Variants in MTMR2 observed in about 807,000 individuals in gnomAD.
MTMR2 encodes the protein myotubularin related protein 2, also known as phosphatidylinositol-3,5-bisphosphate 3-phosphatase MTMR2.
In MTMR2, 55 loss-of-function variants were observed where a neutral mutation model predicts 86.9. That is an observed-to-expected ratio of 0.63 (90% confidence interval 0.51 to 0.79). The LOEUF is 0.79. Ranked by LOEUF, MTMR2 falls within the 30% of genes least tolerant of loss-of-function variation. MTMR2 has a pLI of 0.00. For synonymous variants in MTMR2, 241 were observed against 266.8 expected (o/e 0.90, Z 0.94); for missense variants, 659 against 772.3 (o/e 0.85, Z 1.74).
At chr11:95,880,156 T>C (rs575287645) in intron 2 of MTMR2, among the ~76,000 whole-genome samples, 128 of 152,172 alleles carry the variant, frequency 8.4e-4, no homozygotes, top group African/African-American at 2.9e-3. Context: ...TAAAAGGTAC[T>C]AGGTAAAAAG....
chr11:95,923,003 G>T (rs1866985307), intron 1 of MTMR2, among the ~76,000 whole-genome samples: 2 of 152,050 alleles, frequency 1.3e-5, no homozygotes, highest in Admixed American at 1.3e-4. Context: ...TGCATAAAAA[G>T]CAAATACAGG....
At chr11:95,897,995 T>G (rs1331427402) in intron 1 of MTMR2, among the ~76,000 whole-genome samples, 1 of 152,146 alleles carries the variant, frequency 6.6e-6, no homozygotes, top group Non-Finnish European at 1.5e-5. Flanking sequence ...TTCTGCCAAC[T>G]TGAAAAAATG....
At chr11:95,844,504 G>A (rs1863687333) in intron 11 of MTMR2, among the ~76,000 whole-genome samples, 1 of 152,232 alleles carries the variant, frequency 6.6e-6, no homozygotes, top group South Asian at 2.1e-4. Flanking sequence ...AATATGTGTG[G>A]ATTTTGGCCT....
chr11:95,857,415 G>T, intron 7 of MTMR2, 137 bp downstream of exon 7: 1 of 686,442 alleles, frequency 1.5e-6, no homozygotes, highest in East Asian at 2.7e-5. Flanking sequence ...TTTCAAGATT[G>T]AATTCTGCTT....
At position 95,923,945 on chromosome 11, in the gene MTMR2, T is replaced by A; in HGVS notation, c.10A>T (p.Ser4Cys). 6.4e-7 allele frequency: 1 copy of A among 1,560,194 alleles called. No individual in the cohort carries two copies. The highest frequency in any genetic ancestry group is 2.4e-5 in the East Asian group (1 of 41,522). The stretch of plus-strand genomic sequence containing the variant: ...GAGCCAAGACTCTCGCAGCTCGAGC[T>A]CTTCTCCATCGCGCGGCAGGGGCAG... MEK[S>C]SSCESLGSQP... The change falls in exon 1 of 15, where the codon AGC (serine) becomes TGC (cysteine). Residue 4 changes from serine (S) to cysteine (C), a missense_variant. Physicochemically the swap from Ser to Cys is moderately radical, Grantham distance 112. Transcript: ENST00000346299.
intron 1 of MTMR2, among the ~76,000 whole-genome samples, chr11:95,911,172 C>T (rs1004007692): frequency 6.6e-6 from 1 of 152,090 alleles, no homozygotes; most frequent in Non-Finnish European, 1.5e-5. Flanking sequence ...AGCTCTGGGA[C>T]AGCCTTCCAA....
At chr11:95,856,872 G>A (rs905562387) in intron 7 of MTMR2, among the ~76,000 whole-genome samples, 3 of 152,072 alleles carry the variant, frequency 2.0e-5, no homozygotes, top group African/African-American at 7.2e-5. Context: ...ATCTTCTTCT[G>A]ACACTGGATT....
At chr11:95,910,807 A>T (rs761754761) in intron 1 of MTMR2, among the ~76,000 whole-genome samples, 1 of 152,116 alleles carries the variant, frequency 6.6e-6, no homozygotes, top group Non-Finnish European at 1.5e-5. Flanking sequence ...TTTTGCTCTC[A>T]ATACTTAACA....
chr11:95,878,267 G>C (rs1289513387), intron 2 of MTMR2, among the ~76,000 whole-genome samples: 1 of 149,814 alleles, frequency 6.7e-6, no homozygotes, highest in African/African-American at 2.5e-5. Flanking sequence ...AAAAAGATTA[G>C]TGATTGCCTG....
intron 10 of MTMR2, among the ~76,000 whole-genome samples, chr11:95,846,294 G>A (rs773095306): frequency 5.3e-5 from 8 of 152,172 alleles, no homozygotes; most frequent in Non-Finnish European, 8.8e-5. Context: ...CATTTATGGA[G>A]TCCCTTACTA....
At chr11:95,868,360 G>A (rs1005545405) in intron 2 of MTMR2, among the ~76,000 whole-genome samples, 1 of 148,860 alleles carries the variant, frequency 6.7e-6, no homozygotes, top group Non-Finnish European at 1.5e-5. Flanking sequence ...CATAAGGAGA[G>A]AGACACAATG....
In MTMR2 at chr11:95,834,878, A is replaced by G. The variant is rs1863188280; in HGVS notation, c.*412T>C. 2 of 235,624 alleles carry G rather than the reference A, an allele frequency of 8.5e-6. No individual in the cohort carries two copies. The highest frequency in any genetic ancestry group is 6.2e-5 in the South Asian group (1 of 16,218). The allele number at this position is 235,624 out of a possible 1,614,324, so 14.6% of individuals were successfully genotyped here. A position where few individuals can be genotyped will look rare whatever the true frequency, so the allele number is the denominator to read the frequency against. On this transcript the variant is annotated 3_prime_UTR_variant, in exon 15 of 15. Coordinates refer to ENST00000346299, the MANE Select transcript of MTMR2 (RefSeq NM_016156.6). ...ATCTGTCATGACATCAAGGCCCAAT[A>G]TATGTGATGCCACAGAATTTCAGTG...
chr11:95,910,672 GTTCT>G (rs1866467697), intron 1 of MTMR2, among the ~76,000 whole-genome samples: 1 of 152,002 alleles, frequency 6.6e-6, no homozygotes, highest in African/African-American at 2.4e-5. Context: ...AAAAGAAAAG[GTTCT>G]TTTTAAAAAG....
chr11:95,918,542 T>G (rs1249129992), intron 1 of MTMR2, among the ~76,000 whole-genome samples: 1 of 152,226 alleles, frequency 6.6e-6, no homozygotes, highest in Non-Finnish European at 1.5e-5. Context: ...CCAATATTGT[T>G]TCTTATCTAA....
At chr11:95,846,583 G>T (rs1863803108) in intron 10 of MTMR2, among the ~76,000 whole-genome samples, 2 of 152,176 alleles carry the variant, frequency 1.3e-5, no homozygotes, top group African/African-American at 4.8e-5. Flanking sequence ...TTCTTTGTGT[G>T]ATAAGGATTG....
rs561941645 is a variant in MTMR2, at chr11:95,871,488, A to C, written c.187-5812T>G. 1.4e-4 allele frequency among the ~76,000 whole-genome samples: 22 copies of C among 152,314 alleles called. No individual in the cohort carries two copies. The East Asian group carries it at 4.1e-3, about 28-fold the overall frequency. ...TTTCATTTGCATTTCTCTGATGGCC[A>C]GTGATGATGAGCATTTTTTCATGTG... is the stretch of plus-strand genomic sequence containing the variant. On this transcript the variant is annotated intron_variant, in intron 2 of 14. Transcript: ENST00000346299.
At chr11:95,868,061 T>A (rs1189734837) in intron 2 of MTMR2, among the ~76,000 whole-genome samples, 3 of 151,018 alleles carry the variant, frequency 2.0e-5, no homozygotes, top group Non-Finnish European at 4.4e-5. Flanking sequence ...AAACCAGGAA[T>A]TCAAGACCAG....
At chr11:95,910,174 T>C (rs1162746190) in intron 1 of MTMR2, among the ~76,000 whole-genome samples, 2 of 150,618 alleles carry the variant, frequency 1.3e-5, no homozygotes, top group Non-Finnish European at 3.0e-5. Context: ...ATATAGTCAA[T>C]CAGAAGACAG....
chr11:95,841,736 A>G (rs1331669700), intron 11 of MTMR2, 27 bp from the exon 12 acceptor site: 2 of 1,471,872 alleles, frequency 1.4e-6, no homozygotes, highest in Non-Finnish European at 1.9e-6. Flanking sequence ...GAAATATATG[A>G]ACTTAGGGGG....
Sources: allele counts gnomAD v4.1 joint callset (sites outside exome capture counted in the v4.1 genomes callset), GRCh38; gene constraint gnomAD v4.1.1; transcripts MANE v1.5; gene names NCBI Gene and HGNC (gene_info 2026-07-23, HGNC 2026-07-21).